The following B9D1 variants were observed in gnomAD, a reference collection of about 807,000 sequenced individuals.
B9D1 encodes the protein B9 domain-containing protein 1.
In B9D1, 20 loss-of-function variants were observed where a neutral mutation model predicts 26.1. The observed-to-expected ratio is 0.77, with a 90% CI of 0.54 to 1.12. The LOEUF (loss-of-function observed/expected upper bound fraction) is 1.12, where lower values mean the gene tolerates loss of function less well. Among genes scored for constraint, B9D1 ranks in the 50% most tolerant of loss-of-function variants. The probability of loss-of-function intolerance (pLI) is 0.00; values close to 1 mark genes in which losing one functional copy is unlikely to be tolerated. For missense variants in B9D1, 260 were observed against 273.7 expected, an observed-to-expected ratio of 0.95 and a Z score of 0.35; for synonymous variants, 105 against 103.1, an observed-to-expected ratio of 1.02 and a Z score of -0.11.
intron 1 of B9D1, among the ~76,000 whole-genome samples, chr17:19,377,056 A>G (rs1398926345): frequency 1.3e-5 from 2 of 152,228 alleles, no homozygotes; most frequent in African/African-American, 2.4e-5. Flanking sequence ...CATCAAATCA[A>G]TGTCAATCTT....
At chr17:19,377,041 A>T (rs1598107192) in intron 1 of B9D1, among the ~76,000 whole-genome samples, 1 of 152,340 alleles carries the variant, frequency 6.6e-6, no homozygotes, top group South Asian at 2.1e-4. Flanking sequence ...AATGGCCAAT[A>T]AGCACATCAA....
At chr17:19,340,608 T>C (rs188444955), downstream of B9D1, among the ~76,000 whole-genome samples, 4 of 151,470 alleles carry the variant, frequency 2.6e-5, no homozygotes, top group African/African-American at 9.7e-5. Flanking sequence ...GGTGAAACCC[T>C]GAAACCCTGT....
In B9D1 at chr17:19,355,954, G is replaced by A. The variant is rs548867757; in HGVS notation, c.244+1886C>T. Among the ~76,000 whole-genome samples the A allele has an allele frequency of 2.0e-5, 3 of 152,112 alleles. No homozygotes were observed. In the South Asian group the frequency reaches 6.2e-4, roughly 32 times the overall value. On this transcript the variant is annotated intron_variant, in intron 3 of 6. Coordinates refer to ENST00000261499, the MANE Select transcript of B9D1 (RefSeq NM_015681.6). ...TCTAGAGATTCTGTTTATCTCTATTGCTTTATTGCCTTATTTTTGCTGGTT... is the reference window on the plus strand; with the variant it reads ...TCTAGAGATTCTGTTTATCTCTATTACTTTATTGCCTTATTTTTGCTGGTT...
chr17:19,367,744 C>A (rs933084804), intron 1 of B9D1, among the ~76,000 whole-genome samples: 1 of 152,218 alleles, frequency 6.6e-6, no homozygotes, highest in Non-Finnish European at 1.5e-5. Flanking sequence ...ACTTCAAGAG[C>A]CCGATAAATG....
rs1163144702 is a variant in B9D1, at chr17:19,343,235, A to G, written c.*84T>C. The G allele has an allele frequency of 6.2e-7, 1 of 1,603,980 alleles. No homozygotes were observed. The highest frequency in any genetic ancestry group is 8.5e-7 in the Non-Finnish European group (1 of 1,176,340). On this transcript the variant is annotated 3_prime_UTR_variant, in exon 7 of 7. Coordinates refer to ENST00000261499, the MANE Select transcript of B9D1 (RefSeq NM_015681.6). ...CTGTGTGCCCCCAGCTCTGGCCACCAGGCTGCCCCTCAGGCCGATGGGCAG... is the reference window on the plus strand; with the variant it reads ...CTGTGTGCCCCCAGCTCTGGCCACCGGGCTGCCCCTCAGGCCGATGGGCAG...
intron 3 of B9D1, among the ~76,000 whole-genome samples, chr17:19,357,339 A>G (rs1414225593): frequency 6.6e-6 from 1 of 152,256 alleles, no homozygotes; most frequent in Non-Finnish European, 1.5e-5. Flanking sequence ...AAAGTAAGCA[A>G]TGCCAGCCAG....
In B9D1 at chr17:19,346,450, CTGGAACCCAGGGAG is replaced by C. The variant is rs1908798895; in HGVS notation, c.404+805_404+818del. On this transcript the variant is annotated intron_variant, in intron 5 of 6. Coordinates refer to ENST00000261499, the MANE Select transcript of B9D1 (RefSeq NM_015681.6). Reference sequence around the variant, plus strand: ...CAGGGGCTGCTTGCCGGCTGCTGCCCTGGAACCCAGGGAGTCCTCCATGTTCCACTTGTGCCTCA... The same window carrying C: ...CAGGGGCTGCTTGCCGGCTGCTGCCCTCCTCCATGTTCCACTTGTGCCTCA... Among the ~76,000 whole-genome samples, 3 of 152,366 alleles carry C rather than the reference CTGGAACCCAGGGAG, an allele frequency of 2.0e-5. No homozygotes were observed. In the South Asian group the frequency reaches 6.2e-4, roughly 32 times the overall value.
At chr17:19,366,739 C>T (rs1472475108), upstream of B9D1, among the ~76,000 whole-genome samples, 4 of 152,198 alleles carry the variant, frequency 2.6e-5, no homozygotes, top group East Asian at 1.9e-4. Flanking sequence ...CTTGGAACAC[C>T]GGTTGCTTGA....
chr17:19,364,889 G>A (rs911448043), upstream of B9D1, among the ~76,000 whole-genome samples: 3 of 152,260 alleles, frequency 2.0e-5, no homozygotes, highest in Non-Finnish European at 2.9e-5. The surrounding 1 kb of genome is among the most constrained non-coding windows in gnomAD (Gnocchi z 4.3). Flanking sequence ...GCTGGAAGCT[G>A]GCTTGAGCAG....
upstream of B9D1, chr17:19,362,914 G>A: frequency 2.5e-6 from 1 of 403,444 alleles, no homozygotes; most frequent in Non-Finnish European, 4.7e-6. Flanking sequence ...CTCTGACTCG[G>A]CCCGGCTCCC....
chr17:19,344,643 C>A, intron 5 of B9D1: 1 of 172,082 alleles, frequency 5.8e-6, no homozygotes. Context: ...GGTCCCCCCA[C>A]GGACACACCC....
chr17:19,373,678 A>G (rs1290591848), intron 1 of B9D1, among the ~76,000 whole-genome samples: 1 of 151,950 alleles, frequency 6.6e-6, no homozygotes, highest in Non-Finnish European at 1.5e-5. Context: ...GGATTGAGAC[A>G]CCGCGCCCAG....
At chr17:19,350,834 ATTTT>A (rs904320690) in intron 3 of B9D1, among the ~76,000 whole-genome samples, 5 of 143,978 alleles carry the variant, frequency 3.5e-5, no homozygotes, top group Non-Finnish European at 1.5e-5. Context: ...GATGATCATG[ATTTT>A]TTTTTTCTTT....
chr17:19,372,062 A>G lies in B9D1; in HGVS notation c.-298+5797T>C, dbSNP rs1336496703. ...ATTTTGTCACCTGTAACCAGGGACAATGATGCATCACCCGAGTCCCCCTCA... is the reference window on the plus strand; with the variant it reads ...ATTTTGTCACCTGTAACCAGGGACAGTGATGCATCACCCGAGTCCCCCTCA... On this transcript the variant is annotated intron_variant, in intron 1 of 5. Transcript: ENST00000477478. This position sits in a 1 kb window ranked among gnomAD's most constrained non-coding sequence, Gnocchi z 4.4. The G allele has an allele frequency of 6.6e-6, 1 of 152,280 alleles. No homozygotes were observed. The highest frequency in any genetic ancestry group is 1.5e-5 in the Non-Finnish European group (1 of 68,076). 9.4% of individuals were successfully genotyped at this position (152,280 alleles called of 1,614,324 possible). A position where few individuals can be genotyped will look rare whatever the true frequency, so the allele number is the denominator to read the frequency against.
rs1179118142 is a variant in B9D1, at chr17:19,343,922, C to T, written c.405-65G>A. The T allele has an allele frequency of 5.0e-6, 8 of 1,608,594 alleles. No homozygotes were observed. In the African/African-American group the frequency reaches 6.7e-5, roughly 13 times the overall value. ...TGGGCATTCCTGGTCTTGGACGACA[C>T]TGGATGTGGGCTCTCCTCGGTTCAG... On this transcript the variant is annotated intron_variant, in intron 5 of 6. Coordinates refer to ENST00000261499, the MANE Select transcript of B9D1 (RefSeq NM_015681.6).
rs1911952914 is a variant in B9D1, at chr17:19,372,735, A to G, written c.-298+5124T>C. 6.6e-6 allele frequency among the ~76,000 whole-genome samples: 1 copy of G among 152,184 alleles called. No homozygotes were observed. Among genetic ancestry groups the G allele is most frequent in the Admixed American group, 6.5e-5 (1 of 15,278 alleles). ...CCCGGCCTCCATGTGACGGAGCTGG[A>G]TTCAAACCCAGGTGTTTCTGAAACC... On this transcript the variant is annotated intron_variant, in intron 1 of 5. Transcript: ENST00000477478. The surrounding 1 kb of genome is among the most constrained non-coding windows in gnomAD (Gnocchi z 4.4).
At chr17:19,375,336 A>G (rs1215411739) in intron 1 of B9D1, among the ~76,000 whole-genome samples, 1 of 152,156 alleles carries the variant, frequency 6.6e-6, no homozygotes, top group Non-Finnish European at 1.5e-5. Flanking sequence ...TATTGAACAG[A>G]CATTTCCCCA....
intron 3 of B9D1, among the ~76,000 whole-genome samples, chr17:19,353,079 G>A (rs1036002102): frequency 5.0e-4 from 76 of 151,088 alleles, no homozygotes; most frequent in African/African-American, 1.8e-3. Flanking sequence ...GGGTTCAAGC[G>A]ATTCCCCTGC....
intron 2 of B9D1, among the ~76,000 whole-genome samples, chr17:19,358,269 G>A (rs1427084872): frequency 6.6e-6 from 1 of 152,108 alleles, no homozygotes; most frequent in Admixed American, 6.5e-5. Flanking sequence ...CCTCACCTGA[G>A]TATCCCCATC....
Sources: gnomAD v4.1 joint callset for allele counts (sites outside exome capture counted in the v4.1 genomes callset) on GRCh38, gnomAD v4.1.1 for gene constraint, Gnocchi (gnomAD v3.1) non-coding constraint, MANE v1.5 for transcripts, NCBI Gene and HGNC (gene_info 2026-07-23, HGNC 2026-07-21) for gene names.